COL8A1: variants seen among roughly 807,000 people sequenced by gnomAD.
COL8A1 encodes the protein collagen alpha-1(VIII) chain.
A neutral mutation model predicts 42.7 loss-of-function variants in COL8A1; 21 were observed. The ratio of observed to expected loss-of-function variants is 0.49; its 90% CI spans 0.35 to 0.71. COL8A1 has a LOEUF of 0.71. Ranked by LOEUF, COL8A1 falls within the 30% of genes least tolerant of loss-of-function variation. The probability of loss-of-function intolerance (pLI) is 0.01; values close to 1 mark genes in which losing one functional copy is unlikely to be tolerated. For missense variants in COL8A1, 788 were observed against 962.4 expected, an observed-to-expected ratio of 0.82 and a Z score of 2.40; for synonymous variants, 367 against 369.1, an observed-to-expected ratio of 0.99 and a Z score of 0.06.
chr3:99,649,828 G>A (rs1444506283), intron 1 of COL8A1, among the ~76,000 whole-genome samples: 1 of 151,770 alleles, frequency 6.6e-6, no homozygotes, highest in Non-Finnish European at 1.5e-5. Flanking sequence ...GTGTTACTAG[G>A]CTTTGACTGA....
chr3:99,682,715 A>T (rs893125387), intron 1 of COL8A1, among the ~76,000 whole-genome samples: 3 of 152,052 alleles, frequency 2.0e-5, no homozygotes, highest in Admixed American at 6.5e-5. Context: ...CATCTCCGTT[A>T]AGCTCTCCAA....
At chr3:99,642,982 A>G (rs1384274787) in intron 1 of COL8A1, among the ~76,000 whole-genome samples, 1 of 152,236 alleles carries the variant, frequency 6.6e-6, no homozygotes, top group African/African-American at 2.4e-5. Flanking sequence ...AATTAAAAAA[A>G]CTTTAGAGAA....
At chr3:99,756,834 G>C (rs956076618) in intron 2 of COL8A1, among the ~76,000 whole-genome samples, 3 of 152,164 alleles carry the variant, frequency 2.0e-5, no homozygotes, top group Non-Finnish European at 4.4e-5. Context: ...ATCCAGCATA[G>C]AGCCAAAACT....
chr3:99,712,591 T>A (rs747515028), intron 1 of COL8A1, among the ~76,000 whole-genome samples: 4 of 152,132 alleles, frequency 2.6e-5, no homozygotes, highest in Non-Finnish European at 5.9e-5. Flanking sequence ...GCCCCATATC[T>A]GCAGAGATGA....
intron 1 of COL8A1, among the ~76,000 whole-genome samples, chr3:99,654,412 T>C (rs1462345568): frequency 6.6e-6 from 1 of 152,212 alleles, no homozygotes; most frequent in East Asian, 1.9e-4. Flanking sequence ...TCCATTTTCC[T>C]GTCAGAAATG....
intron 1 of COL8A1, among the ~76,000 whole-genome samples, chr3:99,725,571 C>A (rs1263192663): frequency 9.2e-6 from 1 of 108,800 alleles, no homozygotes; most frequent in Non-Finnish European, 1.8e-5. Flanking sequence ...CCCCCTCCCC[C>A]CACCCTACAA....
intron 1 of COL8A1, among the ~76,000 whole-genome samples, chr3:99,700,613 A>G (rs1412590693): frequency 6.6e-6 from 1 of 152,060 alleles, no homozygotes; most frequent in African/African-American, 2.4e-5. Context: ...TCAGAAAGAA[A>G]ACTCCTAATT....
chr3:99,682,409 C>G (rs979577321), intron 1 of COL8A1, among the ~76,000 whole-genome samples: 1 of 151,982 alleles, frequency 6.6e-6, no homozygotes, highest in African/African-American at 2.4e-5. Context: ...CAGAGCAAGG[C>G]CCTGTCTCAA....
At chr3:99,676,080 A>G in intron 1 of COL8A1, among the ~76,000 whole-genome samples, 1 of 152,286 alleles carries the variant, frequency 6.6e-6, no homozygotes, top group South Asian at 2.1e-4. Context: ...AAAACACTTT[A>G]TACCAGTAAA....
At chr3:99,706,592 T>C (rs1939685143) in intron 1 of COL8A1, among the ~76,000 whole-genome samples, 1 of 152,230 alleles carries the variant, frequency 6.6e-6, no homozygotes, top group Non-Finnish European at 1.5e-5. Context: ...CCTTTATCTT[T>C]GATCATAATA....
intron 2 of COL8A1, among the ~76,000 whole-genome samples, chr3:99,780,559 C>T (rs975068175): frequency 6.6e-6 from 1 of 152,182 alleles, no homozygotes; most frequent in African/African-American, 2.4e-5. Flanking sequence ...CCATCTCCAG[C>T]TCAGTGCCCT....
At chr3:99,732,280 C>A (rs1371487168) in intron 1 of COL8A1, among the ~76,000 whole-genome samples, 1 of 152,090 alleles carries the variant, frequency 6.6e-6, no homozygotes, top group Non-Finnish European at 1.5e-5. Flanking sequence ...AATCAAGTTT[C>A]CAAATATCCA....
At chr3:99,694,015 T>A (rs138005270) in intron 1 of COL8A1, among the ~76,000 whole-genome samples, 80 of 152,354 alleles carry the variant, frequency 5.3e-4, no homozygotes, top group African/African-American at 1.8e-3. Context: ...AAACTTGCTG[T>A]ACAAGTTTGT....
chr3:99,688,575 GT>G (rs1030821186), intron 1 of COL8A1, among the ~76,000 whole-genome samples: 2 of 152,114 alleles, frequency 1.3e-5, no homozygotes, highest in Non-Finnish European at 2.9e-5. Context: ...CACCTGCAAA[GT>G]CCCCTTTGCC....
intron 1 of COL8A1, among the ~76,000 whole-genome samples, chr3:99,677,363 G>A (rs183348308): frequency 6.6e-6 from 1 of 152,076 alleles, no homozygotes; most frequent in Admixed American, 6.6e-5. Context: ...TTTCTCAAAT[G>A]CAAAATATCA....
intron 3 of COL8A1, among the ~76,000 whole-genome samples, chr3:99,793,867 T>C (rs1379260640): frequency 1.3e-5 from 2 of 152,178 alleles, no homozygotes; most frequent in Non-Finnish European, 2.9e-5. Flanking sequence ...TTCTCCTGCC[T>C]CAGCCTCCCA....
intron 1 of COL8A1, among the ~76,000 whole-genome samples, chr3:99,692,673 T>C (rs974138076): frequency 2.0e-5 from 3 of 152,216 alleles, no homozygotes; most frequent in African/African-American, 7.2e-5. Context: ...TACTATACAG[T>C]CATGAGCTAT....
chr3:99,727,695 G>T (rs1372216815), intron 1 of COL8A1, among the ~76,000 whole-genome samples: 1 of 151,906 alleles, frequency 6.6e-6, no homozygotes, highest in African/African-American at 2.4e-5. Context: ...CAAAAAAAGA[G>T]AATTTTAGAC....
chr3:99,737,516 G>T (rs1022730559), intron 1 of COL8A1, among the ~76,000 whole-genome samples: 1 of 151,972 alleles, frequency 6.6e-6, no homozygotes, highest in Non-Finnish European at 1.5e-5. Flanking sequence ...GAAATTCTGG[G>T]TTGAAAATTC....
Sources: allele counts gnomAD v4.1 joint callset (sites outside exome capture counted in the v4.1 genomes callset), GRCh38; gene constraint gnomAD v4.1.1; transcripts MANE v1.5; gene names NCBI Gene and HGNC (gene_info 2026-07-23, HGNC 2026-07-21).